The following PTPRD variants were observed in gnomAD, a reference collection of about 807,000 sequenced individuals.
PTPRD encodes protein tyrosine phosphatase receptor type D, also known as receptor-type tyrosine-protein phosphatase delta.
Under a neutral mutation model 214.5 loss-of-function variants are expected in PTPRD, and 34 were observed. The ratio of observed to expected loss-of-function variants is 0.16; its 90% CI spans 0.12 to 0.21. PTPRD has a LOEUF of 0.21. PTPRD is among the 10% of genes least tolerant of loss of function. The probability of loss-of-function intolerance (pLI) is 1.00; values close to 1 mark genes in which losing one functional copy is unlikely to be tolerated. For synonymous variants in PTPRD, 1,128 were observed against 845.7 expected (o/e 1.33, Z -5.79); for missense variants, 2,545 against 2,398.7 (o/e 1.06, Z -1.27).
At chr9:10,128,049 T>A (rs1170415349) in intron 3 of PTPRD, among the ~76,000 whole-genome samples, 1 of 152,102 alleles carries the variant, frequency 6.6e-6, no homozygotes, top group South Asian at 2.1e-4. Context: ...AAGGCACTAG[T>A]TTTAGCTGAC....
At chr9:9,943,238 T>TC (rs2091941700) in intron 4 of PTPRD, among the ~76,000 whole-genome samples, 1 of 152,184 alleles carries the variant, frequency 6.6e-6, no homozygotes, top group Non-Finnish European at 1.5e-5. Flanking sequence ...TTCCTAGTTG[T>TC]TACAAAAGAT....
chr9:9,611,031 T>G (rs988650618), intron 7 of PTPRD, among the ~76,000 whole-genome samples: 11 of 152,194 alleles, frequency 7.2e-5, no homozygotes, highest in Non-Finnish European at 1.3e-4. Context: ...ATTGTACCCT[T>G]AATTTTGTGT....
chr9:9,435,336 A>T (rs370147956), intron 8 of PTPRD, among the ~76,000 whole-genome samples: 1 of 140,524 alleles, frequency 7.1e-6, no homozygotes, highest in South Asian at 2.5e-4. Context: ...CATAGTGAGA[A>T]CCCCCCCACC....
chr9:9,766,097 A>C (rs1048786720), intron 6 of PTPRD, among the ~76,000 whole-genome samples: 1 of 152,170 alleles, frequency 6.6e-6, no homozygotes, highest in Non-Finnish European at 1.5e-5. Context: ...TGTCCTCAGG[A>C]ATCTTAGTTC....
chr9:8,319,988 T>C (rs766993903), intron 44 of PTPRD, 22 bp from the exon 45 acceptor site: 13 of 1,609,038 alleles, frequency 8.1e-6, no homozygotes, highest in Non-Finnish European at 1.1e-5. Context: ...ACAAAGGCGA[T>C]GTTACTGGGT....
Position 8,341,687 on chromosome 9 carries a change from C to T in PTPRD, c.4947+6G>A, listed in dbSNP as rs1466038354. On this transcript the variant is annotated splice_donor_region_variant and intron_variant, in intron 40 of 45. Coordinates refer to ENST00000381196, the MANE Select transcript of PTPRD (RefSeq NM_002839.4). ...CTGAATAACCACATCACATCCAATA[C>T]CATACCTTAAATTCGAGCTCCATTC... is the stretch of plus-strand genomic sequence containing the variant. 1.2e-6 allele frequency: 2 copies of T among 1,612,790 alleles called. No individual in the cohort carries two copies. The highest frequency in any genetic ancestry group is 8.5e-7 in the Non-Finnish European group (1 of 1,179,298).
At chr9:8,717,816 C>T (rs890600022) in intron 12 of PTPRD, among the ~76,000 whole-genome samples, 2 of 152,188 alleles carry the variant, frequency 1.3e-5, no homozygotes, top group Admixed American at 1.3e-4. Flanking sequence ...TGCCTTAATG[C>T]CCTCCACAAT....
At chr9:8,516,798 C>CTTT (rs71500960) in intron 21 of PTPRD, among the ~76,000 whole-genome samples, 190 of 107,922 alleles carry the variant, frequency 1.8e-3, no homozygotes, top group East Asian at 3.1e-3. Context: ...CAAGAATAAA[C>CTTT]TTTTTTTTTT....
intron 37 of PTPRD, among the ~76,000 whole-genome samples, chr9:8,383,380 A>G (rs986002761): frequency 6.6e-6 from 1 of 152,152 alleles, no homozygotes; most frequent in African/African-American, 2.4e-5. Context: ...AACTGTTAAC[A>G]AAGTGAAGTT....
At chr9:8,621,139 A>G (rs922311828) in intron 14 of PTPRD, among the ~76,000 whole-genome samples, 8 of 151,880 alleles carry the variant, frequency 5.3e-5, no homozygotes, top group African/African-American at 1.9e-4. Context: ...CCTCAACTGC[A>G]GGGTAAGCCT....
At chr9:10,076,620 G>T (rs1400880004) in intron 3 of PTPRD, among the ~76,000 whole-genome samples, 1 of 152,038 alleles carries the variant, frequency 6.6e-6, no homozygotes, top group African/African-American at 2.4e-5. Flanking sequence ...TCCTCTCACG[G>T]GCTGTCATAT....
At chr9:9,729,124 G>A (rs906776540) in intron 7 of PTPRD, among the ~76,000 whole-genome samples, 1 of 152,108 alleles carries the variant, frequency 6.6e-6, no homozygotes, top group African/African-American at 2.4e-5. Context: ...TGAGTAGTTT[G>A]GGCGGGCTTT....
chr9:8,328,821 C>A (rs1232830771), intron 44 of PTPRD, among the ~76,000 whole-genome samples: 1 of 151,990 alleles, frequency 6.6e-6, no homozygotes, highest in Non-Finnish European at 1.5e-5. Context: ...ATTGATTTGG[C>A]TATTGATACT....
chr9:9,898,530 T>C (rs1452273786), intron 5 of PTPRD, among the ~76,000 whole-genome samples: 1 of 152,128 alleles, frequency 6.6e-6, no homozygotes, highest in African/African-American at 2.4e-5. Flanking sequence ...TATGAAGCTC[T>C]AGATTACGCT....
chr9:9,505,708 T>C (rs1230481347), intron 8 of PTPRD, among the ~76,000 whole-genome samples: 2 of 151,448 alleles, frequency 1.3e-5, no homozygotes, highest in Non-Finnish European at 3.0e-5. Flanking sequence ...GGGAAAATAA[T>C]TGGGTACTTT....
At chr9:9,047,913 CAAAGG>C (rs954293277) in intron 10 of PTPRD, among the ~76,000 whole-genome samples, 12 of 151,872 alleles carry the variant, frequency 7.9e-5, no homozygotes, top group Non-Finnish European at 7.4e-5. Context: ...ATTCTCAAAG[CAAAGG>C]AAACAATCAA....
intron 9 of PTPRD, among the ~76,000 whole-genome samples, chr9:9,227,376 C>A (rs970875168): frequency 1.3e-5 from 2 of 152,068 alleles, no homozygotes; most frequent in Admixed American, 1.3e-4. Flanking sequence ...AACCTCAGCC[C>A]CTAGCCTGGA....
intron 8 of PTPRD, among the ~76,000 whole-genome samples, chr9:9,476,879 G>A (rs2095083301): frequency 6.6e-6 from 1 of 152,030 alleles, no homozygotes; most frequent in South Asian, 2.1e-4. Context: ...GAGATTGCAG[G>A]CATGTGCCAC....
At chr9:10,213,116 G>A (rs907221251) in intron 3 of PTPRD, among the ~76,000 whole-genome samples, 1 of 152,128 alleles carries the variant, frequency 6.6e-6, no homozygotes, top group African/African-American at 2.4e-5. Context: ...AGAGATGTAA[G>A]TTTATTGTAT....
Sources: gnomAD v4.1 joint callset for allele counts (sites outside exome capture counted in the v4.1 genomes callset) on GRCh38, gnomAD v4.1.1 for gene constraint, MANE v1.5 for transcripts, NCBI Gene and HGNC (gene_info 2026-07-23, HGNC 2026-07-21) for gene names.